GSE1: variants seen among roughly 807,000 people sequenced by gnomAD.
GSE1 encodes the protein Gse1 coiled-coil protein, also known as genetic suppressor element 1.
Under a neutral mutation model 112.6 loss-of-function variants are expected in GSE1, and 32 were observed. That is an observed-to-expected ratio of 0.28 (90% CI 0.21 to 0.38). GSE1 has a LOEUF of 0.38. Among genes scored for constraint, GSE1 ranks in the 10% least tolerant of loss-of-function variants. The pLI is 1.00. For missense variants in GSE1, 2,348 were observed against 1,699.2 expected (o/e 1.38, Z -6.71); for synonymous variants, 1,115 against 735.6 (o/e 1.52, Z -8.35).
At chr16:85,459,353 C>G (rs1484192421) in intron 2 of GSE1, among the ~76,000 whole-genome samples, 1 of 152,198 alleles carries the variant, frequency 6.6e-6, no homozygotes, top group East Asian at 1.9e-4. Flanking sequence ...CAGACCCATC[C>G]CGTGCCCAGC....
At chr16:85,374,798 G>A (rs1338617787) in intron 2 of GSE1, among the ~76,000 whole-genome samples, 1 of 152,168 alleles carries the variant, frequency 6.6e-6, no homozygotes, top group Non-Finnish European at 1.5e-5. Flanking sequence ...CCTCCTCTTG[G>A]GCTGCCTTCT....
At chr16:85,634,278 G>A (rs540823524) in intron 2 of GSE1, 146 bp downstream of exon 2, 1 of 595,920 alleles carries the variant, frequency 1.7e-6, no homozygotes, top group African/African-American at 2.0e-5. Flanking sequence ...TGCTGGCTGA[G>A]CTACAGACCC....
intron 1 of GSE1, among the ~76,000 whole-genome samples, chr16:85,562,767 T>G (rs1327652992): frequency 6.6e-6 from 1 of 152,212 alleles, no homozygotes; most frequent in Non-Finnish European, 1.5e-5. Context: ...CAATGTCAAG[T>G]GTGATGGAGT....
intron 2 of GSE1, among the ~76,000 whole-genome samples, chr16:85,422,422 C>T (rs533049140): frequency 2.5e-4 from 38 of 152,162 alleles, no homozygotes; most frequent in Non-Finnish European, 5.0e-4. Context: ...GTTCCTCCCC[C>T]GGAGGCCTGG....
intron 1 of GSE1, among the ~76,000 whole-genome samples, chr16:85,235,989 C>CCTGGGGCTGAGG (rs1203819417): frequency 2.6e-5 from 4 of 151,740 alleles, no homozygotes; most frequent in African/African-American, 9.7e-5. Context: ...TGGGCCTGGG[C>CCTGGGGCTGAGG]CTGGGCCTGG....
At chr16:85,183,255 A>C (rs2074631833) in intron 1 of GSE1, among the ~76,000 whole-genome samples, 1 of 152,170 alleles carries the variant, frequency 6.6e-6, no homozygotes, top group Admixed American at 6.5e-5. Flanking sequence ...TCATGCACAC[A>C]CACTCACATT....
intron 2 of GSE1, among the ~76,000 whole-genome samples, chr16:85,492,587 C>T (rs999111639): frequency 6.6e-6 from 1 of 152,192 alleles, no homozygotes; most frequent in African/African-American, 2.4e-5. Flanking sequence ...GACTAGGGCC[C>T]AGAGAGGCCG....
chr16:85,604,433 C>G lies in GSE1; in HGVS notation c.38-44119C>G, dbSNP rs151064413. Among the ~76,000 whole-genome samples, 771 of 152,132 alleles carry G rather than the reference C, an allele frequency of 5.1e-3. 27 individuals carry two copies. The highest frequency in any genetic ancestry group is 0.048 in the Admixed American group (728 of 15,256). On this transcript the variant is annotated intron_variant, in intron 1 of 2. Coordinates refer to the GSE1 transcript ENST00000635906. ...CATCTGATGGACATGTAGGTTTTCA[C>G]TTTTTGGCTATGATGAGCCATGCTG...
At chr16:85,627,810 A>T (rs1458964788) in intron 1 of GSE1, among the ~76,000 whole-genome samples, 1 of 152,222 alleles carries the variant, frequency 6.6e-6, no homozygotes, top group Non-Finnish European at 1.5e-5. Context: ...AGAAGTTAAT[A>T]AATACCTCTC....
At position 85,643,805 on chromosome 16, in the gene GSE1, C is replaced by T. The variant is rs183054580; in HGVS notation, c.227-4747C>T. ...CACTGTCCGGTCCCCAGGGAGGACC[C>T]ACAGCCCACCTGGCCATTGGCCCCA... On this transcript the variant is annotated intron_variant, in intron 2 of 15. Coordinates refer to ENST00000253458, the MANE Select transcript of GSE1 (RefSeq NM_014615.5). Among the ~76,000 whole-genome samples the T allele has an allele frequency of 1.3e-3, 192 of 152,280 alleles. 1 individual carries two copies. In the East Asian group the frequency reaches 0.028, roughly 22 times the overall value.
At chr16:85,600,489 G>C (rs1292359788) in intron 1 of GSE1, among the ~76,000 whole-genome samples, 1 of 152,074 alleles carries the variant, frequency 6.6e-6, no homozygotes, top group Non-Finnish European at 1.5e-5. Context: ...CTAGTGTTGA[G>C]AGGCAGTGGC....
At chr16:85,476,470 C>T (rs764232554) in intron 2 of GSE1, among the ~76,000 whole-genome samples, 14 of 152,172 alleles carry the variant, frequency 9.2e-5, no homozygotes, top group African/African-American at 1.2e-4. Context: ...CTTTAAACTC[C>T]GTGTATCATG....
intron 1 of GSE1, among the ~76,000 whole-genome samples, chr16:85,253,139 G>A (rs1420935048): frequency 1.4e-5 from 2 of 148,076 alleles, no homozygotes; most frequent in South Asian, 2.1e-4. Context: ...AGCATATGGC[G>A]GGCATATGCC....
intron 2 of GSE1, among the ~76,000 whole-genome samples, chr16:85,408,093 GCC>G (rs1297775827): frequency 2.3e-5 from 1 of 42,932 alleles, no homozygotes; most frequent in Admixed American, 2.0e-4. Context: ...TACACTCAGG[GCC>G]CCCCTGGATA....
Position 85,654,307 on chromosome 16 carries a change from T to C in GSE1, c.456T>C (p.Gly152=). ...QDAGSRSSSG[G]RERLIVEPPL... ...CCGGCTCCAGGAGCAGCAGTGGAGGTCGGGAACGCCTCATTGTGGAGCCCC... is the reference window on the plus strand; with the variant it reads ...CCGGCTCCAGGAGCAGCAGTGGAGGCCGGGAACGCCTCATTGTGGAGCCCC... The change falls in exon 4 of 16, where the codon GGT becomes GGC. Residue 152 remains glycine (G), a synonymous_variant. Transcript: ENST00000253458. 6.2e-7 allele frequency: 1 copy of C among 1,606,366 alleles called. No homozygotes were observed. Among genetic ancestry groups the C allele is most frequent in the South Asian group, 1.1e-5 (1 of 90,206 alleles).
At chr16:85,241,378 T>C (rs1905156155) in intron 1 of GSE1, among the ~76,000 whole-genome samples, 1 of 152,230 alleles carries the variant, frequency 6.6e-6, no homozygotes, top group Non-Finnish European at 1.5e-5. Context: ...CCAGGCCCTC[T>C]CTGTCTCTGC....
chr16:85,193,689 G>A (rs2074871874), intron 1 of GSE1, among the ~76,000 whole-genome samples: 1 of 152,098 alleles, frequency 6.6e-6, no homozygotes, highest in South Asian at 2.1e-4. Flanking sequence ...TGAACTTGTG[G>A]CCTCAGTGAT....
At chr16:85,255,665 A>G (rs566003910) in intron 1 of GSE1, among the ~76,000 whole-genome samples, 22 of 151,744 alleles carry the variant, frequency 1.4e-4, no homozygotes, top group African/African-American at 5.3e-4. Context: ...GGCCTCCCAA[A>G]GTGCTGGGAT....
intron 2 of GSE1, among the ~76,000 whole-genome samples, chr16:85,460,645 C>T (rs1334462945): frequency 6.6e-6 from 1 of 152,244 alleles, no homozygotes; most frequent in African/African-American, 2.4e-5. Flanking sequence ...AGTGACCTCT[C>T]CTTGCCCGAG....
Sources: gnomAD v4.1 joint callset for allele counts (sites outside exome capture counted in the v4.1 genomes callset) on GRCh38, gnomAD v4.1.1 for gene constraint, MANE v1.5 for transcripts, NCBI Gene and HGNC (gene_info 2026-07-23, HGNC 2026-07-21) for gene names.